KLHL1: variants seen among roughly 807,000 people sequenced by gnomAD.
KLHL1 encodes kelch like family member 1, also known as kelch-like protein 1.
KLHL1 carries 47 observed loss-of-function variants against 77.7 expected under a neutral mutation model. That is an observed-to-expected ratio of 0.60 (90% CI 0.48 to 0.77). The LOEUF (loss-of-function observed/expected upper bound fraction) is 0.77. Ranked by LOEUF, KLHL1 falls within the 30% of genes least tolerant of loss-of-function variation. The pLI, the probability that KLHL1 is intolerant of heterozygous loss-of-function variation, is 0.00. For synonymous variants in KLHL1, 360 were observed against 325.2 expected (o/e 1.11, Z -1.15); for missense variants, 925 against 910.8 (o/e 1.02, Z -0.20).
chr13:70,034,887 C>T (rs7331103), intron 1 of KLHL1, among the ~76,000 whole-genome samples: 69,091 of 151,786 alleles, frequency 0.46, 16,979 homozygotes, highest in African/African-American at 0.65. Flanking sequence ...AATGTTTCTA[C>T]GTGTATTTGA....
In KLHL1 at chr13:70,107,419, C is replaced by T. The variant is rs1888094925; in HGVS notation, c.281G>A (p.Gly94Asp). Reference protein sequence around the residue: ...SSSSSFNPLNGTLLPVATRLQ... With the variant: ...SSSSSFNPLNDTLLPVATRLQ... ...CCTCGTGGCAACTGGAAGCAGGGTG[C>T]CATTCAGCGGATTGAAGGAAGAGGA... The change falls in exon 1 of 11, where the codon GGC becomes GAC. Residue 94 changes from glycine to aspartate, a missense_variant. Physicochemically the swap from Gly to Asp is moderately conservative, Grantham distance 94. Transcript: ENST00000377844. The T allele has an allele frequency of 1.9e-6, 3 of 1,612,102 alleles. No individual in the cohort carries two copies. The highest frequency in any genetic ancestry group is 1.4e-5 in the African/African-American group (1 of 73,274).
At chr13:70,075,799 C>A in intron 1 of KLHL1, among the ~76,000 whole-genome samples, 1 of 145,310 alleles carries the variant, frequency 6.9e-6, no homozygotes, top group Non-Finnish European at 1.5e-5. Context: ...ATATATGTTG[C>A]AGGATATGAT....
intron 2 of KLHL1, among the ~76,000 whole-genome samples, chr13:69,967,531 T>C (rs1884248362): frequency 6.6e-6 from 1 of 152,146 alleles, no homozygotes; most frequent in Admixed American, 6.6e-5. Context: ...ATTCTTGAGA[T>C]GGTGTCTACT....
intron 7 of KLHL1, among the ~76,000 whole-genome samples, chr13:69,787,894 A>T (rs1876643401): frequency 6.6e-6 from 1 of 152,248 alleles, no homozygotes; most frequent in Non-Finnish European, 1.5e-5. Flanking sequence ...CAGCCAAAAA[A>T]CACATGAAAA....
intron 1 of KLHL1, among the ~76,000 whole-genome samples, chr13:70,034,207 A>G (rs1886185433): frequency 6.6e-6 from 1 of 152,188 alleles, no homozygotes; most frequent in Non-Finnish European, 1.5e-5. Flanking sequence ...TTTATTCTAA[A>G]TGAGTTATTA....
intron 4 of KLHL1, among the ~76,000 whole-genome samples, chr13:69,938,386 A>G (rs1224911588): frequency 6.6e-6 from 1 of 152,054 alleles, no homozygotes; most frequent in Non-Finnish European, 1.5e-5. Flanking sequence ...GAAATCTTCT[A>G]TTTTTCTGTT....
chr13:69,753,891 C>G (rs1478313584), intron 7 of KLHL1, among the ~76,000 whole-genome samples: 3 of 152,058 alleles, frequency 2.0e-5, no homozygotes, highest in Non-Finnish European at 4.4e-5. Context: ...GGCTGGAGTA[C>G]AGTGGTGCAA....
chr13:69,869,693 A>AT (rs1880506924), intron 5 of KLHL1, among the ~76,000 whole-genome samples: 1 of 152,076 alleles, frequency 6.6e-6, no homozygotes, highest in Non-Finnish European at 1.5e-5. Context: ...AATAAACTAT[A>AT]TTTTTCTGAT....
chr13:69,762,770 T>C (rs1277451196), intron 7 of KLHL1, among the ~76,000 whole-genome samples: 3 of 151,188 alleles, frequency 2.0e-5, no homozygotes, highest in Admixed American at 6.6e-5. Context: ...TTTTTTCTTA[T>C]GTCTCTATGA....
In KLHL1 at chr13:69,756,039, C is replaced by T. The variant is rs7328694; in HGVS notation, c.1640-15483G>A. ...CGTTAGTGGAATTTATTTAGTTTGC[C>T]TCAGTGTATTCCCCTTACTTCAGAT... On this transcript the variant is annotated intron_variant, in intron 7 of 10. Transcript: ENST00000377844. Among the ~76,000 whole-genome samples the T allele has an allele frequency of 5.0e-3, 756 of 152,218 alleles. 5 individuals carry two copies. Among genetic ancestry groups the T allele is most frequent in the African/African-American group, 0.017 (719 of 41,528 alleles).
At position 70,051,980 on chromosome 13, in the gene KLHL1, C is replaced by G. The variant is rs549043860; in HGVS notation, c.497+55223G>C. Among the ~76,000 whole-genome samples, 37 of 150,752 alleles carry G rather than the reference C, an allele frequency of 2.5e-4. No homozygotes were observed. The South Asian group carries it at 7.6e-3, about 31-fold the overall frequency. On this transcript the variant is annotated intron_variant, in intron 1 of 10. Transcript: ENST00000377844. ...TCATTTGTCAAACTCTATTAAGATA[C>G]CTTTTATAAAGTATTTCTTATTCTT...
At chr13:69,982,476 TAATAA>T (rs1265252657) in intron 1 of KLHL1, among the ~76,000 whole-genome samples, 2 of 135,638 alleles carry the variant, frequency 1.5e-5, no homozygotes, top group Non-Finnish European at 3.2e-5. Context: ...ATAATAATAA[TAATAA>T]AATAAAAAGC....
chr13:69,968,224 T>C (rs1884275715), intron 2 of KLHL1, among the ~76,000 whole-genome samples: 1 of 152,056 alleles, frequency 6.6e-6, no homozygotes, highest in South Asian at 2.1e-4. Context: ...ATTGTTAGCA[T>C]TTTTTAGCAA....
chr13:70,099,354 T>C (rs1262192878), intron 1 of KLHL1, among the ~76,000 whole-genome samples: 3 of 151,764 alleles, frequency 2.0e-5, no homozygotes, highest in Admixed American at 6.6e-5. Flanking sequence ...GTATTGGCAA[T>C]GAAGATAAAA....
At chr13:69,849,918 T>C (rs1879617569) in intron 5 of KLHL1, among the ~76,000 whole-genome samples, 1 of 151,464 alleles carries the variant, frequency 6.6e-6, no homozygotes. Flanking sequence ...CAATATCACA[T>C]CTCAAATTCA....
chr13:69,876,964 G>A (rs1253224711), intron 5 of KLHL1, among the ~76,000 whole-genome samples: 2 of 152,020 alleles, frequency 1.3e-5, no homozygotes, highest in Admixed American at 1.3e-4. Context: ...TTGAACCTGC[G>A]AGGCAGAGGT....
chr13:69,780,711 T>TATATATATATATATAC (rs1566243654), intron 7 of KLHL1, among the ~76,000 whole-genome samples: 4 of 40,036 alleles, frequency 1.0e-4, no homozygotes, highest in African/African-American at 1.4e-4. Flanking sequence ...TGTATATATA[T>TATATATATATATATAC]ATATGTATAT....
intron 1 of KLHL1, among the ~76,000 whole-genome samples, chr13:70,004,288 T>A (rs1885358787): frequency 6.6e-6 from 1 of 151,766 alleles, no homozygotes; most frequent in African/African-American, 2.4e-5. Context: ...GGACCTCAAA[T>A]AAATAAAGAC....
chr13:70,002,994 G>A (rs1408279176), intron 1 of KLHL1, among the ~76,000 whole-genome samples: 4 of 151,564 alleles, frequency 2.6e-5, no homozygotes, highest in Non-Finnish European at 5.9e-5. Flanking sequence ...TATTGAGCTT[G>A]TAGATATGCA....
Sources: allele counts gnomAD v4.1 joint callset (sites outside exome capture counted in the v4.1 genomes callset), GRCh38; gene constraint gnomAD v4.1.1; transcripts MANE v1.5; gene names NCBI Gene and HGNC (gene_info 2026-07-23, HGNC 2026-07-21).